CSNK2A2: variants seen among roughly 807,000 people sequenced by gnomAD.
CSNK2A2 encodes the protein casein kinase II subunit alpha'.
A neutral mutation model predicts 54.0 loss-of-function variants in CSNK2A2; 8 were observed. That is an observed-to-expected ratio of 0.15 (90% CI 0.09 to 0.27). CSNK2A2 has a LOEUF of 0.27. CSNK2A2 is among the 10% of genes least tolerant of loss of function. The pLI, the probability that CSNK2A2 is intolerant of heterozygous loss-of-function variation, is 1.00. For missense variants in CSNK2A2, 242 were observed against 439.4 expected (o/e 0.55, Z 4.02); for synonymous variants, 141 against 153.9 (o/e 0.92, Z 0.62).
intron 3 of CSNK2A2, among the ~76,000 whole-genome samples, chr16:58,185,078 A>C (rs1962154829): frequency 6.6e-6 from 1 of 152,206 alleles, no homozygotes; most frequent in Non-Finnish European, 1.5e-5. Flanking sequence ...GGATTCCTTA[A>C]TTGAAGTAAA....
intron 5 of CSNK2A2, among the ~76,000 whole-genome samples, chr16:58,171,979 ATTTTTT>A (rs746200172): frequency 0.095 from 6,218 of 65,632 alleles, 422 homozygotes; most frequent in Admixed American, 0.24. Context: ...ATATATATAT[ATTTTTT>A]TTTTTTTTTT....
rs543876982 is a variant in CSNK2A2 at position 58,167,930 on chromosome 16, T to TA, written c.514-136dup. 469 of 675,890 alleles carry TA rather than the reference T, an allele frequency of 6.9e-4. 4 individuals carry two copies. Among genetic ancestry groups the TA allele is most frequent in the South Asian group, 5.4e-3 (311 of 57,430 alleles). The allele number at this position is 675,890 out of a possible 1,614,324, so 41.9% of individuals were successfully genotyped here. On this transcript the variant is annotated intron_variant, in intron 6 of 11. Coordinates refer to ENST00000262506, the MANE Select transcript of CSNK2A2 (RefSeq NM_001896.4). ...TGAGCAGGTGCACTGGCTTAAAAAT[T>TA]ACATTTTCAGCAATCGTGCAAGAGG...
chr16:58,163,102 A>G (rs1234807144), intron 11 of CSNK2A2: 1 of 151,894 alleles, frequency 6.6e-6, no homozygotes, highest in African/African-American at 2.4e-5. Flanking sequence ...TTCTAATGGG[A>G]TGTTTTCCTC....
intron 2 of CSNK2A2, among the ~76,000 whole-genome samples, chr16:58,193,901 A>C (rs2142453288): frequency 6.6e-6 from 1 of 152,316 alleles, no homozygotes; most frequent in Middle Eastern, 3.4e-3. Flanking sequence ...ACAGAATACC[A>C]CTTGGGGATA....
At chr16:58,179,850 C>T (rs1053405065) in intron 4 of CSNK2A2, among the ~76,000 whole-genome samples, 5 of 151,976 alleles carry the variant, frequency 3.3e-5, no homozygotes, top group Non-Finnish European at 7.4e-5. Context: ...GAGGCCAAGG[C>T]GGGTGGGTCA....
rs1597122741 is a variant in CSNK2A2 at position 58,186,771 on chromosome 16, G to A, written c.302C>T (p.Thr101Ile). Reference protein sequence around the residue: ...GGTNIIKLIDTVKDPVSKTPA... With the variant: ...GGTNIIKLIDIVKDPVSKTPA... Reference sequence around the variant, plus strand: ...GGCACCTACCACGGGGTCCTTTACAGTGTCAATCAGCTTAATGATATTTGT... The same window carrying A: ...GGCACCTACCACGGGGTCCTTTACAATGTCAATCAGCTTAATGATATTTGT... Residue 101 changes from threonine (T) to isoleucine (I), a missense_variant, in exon 3 of 12, where the codon ACT becomes ATT. Transcript: ENST00000262506. 6.2e-7 allele frequency: 1 copy of A among 1,613,940 alleles called. No individual in the cohort carries two copies.
chr16:58,175,821 C>A (rs1961861682), intron 4 of CSNK2A2, among the ~76,000 whole-genome samples: 1 of 152,150 alleles, frequency 6.6e-6, no homozygotes, highest in Admixed American at 6.5e-5. Flanking sequence ...ATTTCATCAA[C>A]CTCAGGGCAG....
intron 4 of CSNK2A2, 76 bp from the exon 5 acceptor site, chr16:58,174,586 T>G: frequency 1.7e-6 from 2 of 1,177,142 alleles, no homozygotes; most frequent in African/African-American, 1.5e-5. Flanking sequence ...GGCCATTCTC[T>G]AAGCTTATTT....
chr16:58,172,057 A>G (rs192219250), intron 5 of CSNK2A2, among the ~76,000 whole-genome samples: 3 of 146,530 alleles, frequency 2.0e-5, no homozygotes, highest in African/African-American at 7.6e-5. Context: ...CCTGAGCTCA[A>G]GCAATCAACC....
chr16:58,159,568 T>C (rs1489910982), intron 11 of CSNK2A2: 1 of 152,248 alleles, frequency 6.6e-6, no homozygotes, highest in Non-Finnish European at 1.5e-5. Flanking sequence ...TGTCTCCCAC[T>C]TGGGAAGGCT....
chr16:58,167,939 A>G (rs1961613326), intron 6 of CSNK2A2, 144 bp from the exon 7 acceptor site: 4 of 656,196 alleles, frequency 6.1e-6, no homozygotes, highest in Admixed American at 2.6e-5. Context: ...TTACATTTTC[A>G]GCAATCGTGC....
intron 5 of CSNK2A2, among the ~76,000 whole-genome samples, chr16:58,172,763 T>C (rs1490706680): frequency 1.3e-5 from 2 of 152,248 alleles, no homozygotes; most frequent in African/African-American, 4.8e-5. Flanking sequence ...TTCTGACCAT[T>C]AAGCATGAAT....
At chr16:58,161,472 A>T (rs1961355740) in intron 11 of CSNK2A2, 1 of 152,150 alleles carries the variant, frequency 6.6e-6, no homozygotes, top group South Asian at 2.1e-4. Context: ...GCTAACTGAA[A>T]AGGATACTGG....
chr16:58,180,071 T>A (rs1597118414), intron 4 of CSNK2A2, among the ~76,000 whole-genome samples: 2 of 122,822 alleles, frequency 1.6e-5, no homozygotes, highest in African/African-American at 3.2e-5. Flanking sequence ...AGAGCGAGAC[T>A]CCTTCTCAAA....
At chr16:58,161,784 T>G (rs1341911081) in intron 11 of CSNK2A2, 1 of 152,078 alleles carries the variant, frequency 6.6e-6, no homozygotes, top group African/African-American at 2.4e-5. Flanking sequence ...TCAAGCCCAG[T>G]TATGGTCTAA....
At chr16:58,196,281 GAA>G (rs1199593792) in intron 2 of CSNK2A2, among the ~76,000 whole-genome samples, 1 of 152,198 alleles carries the variant, frequency 6.6e-6, no homozygotes, top group Non-Finnish European at 1.5e-5. Context: ...AAATGGGGTG[GAA>G]AAAGAAGTAA....
Position 58,193,308 on chromosome 16 carries a change from T to C in CSNK2A2, c.216+3425A>G, listed in dbSNP as rs1962360132. On this transcript the variant is annotated intron_variant, in intron 2 of 11. Transcript: ENST00000262506. The stretch of plus-strand genomic sequence containing the variant: ...AACAAAGATGTATAACCAATGCCCA[T>C]CCTTTTAACACTACCTACTGACAAC... Among the ~76,000 whole-genome samples, 6 of 152,172 alleles carry C rather than the reference T, an allele frequency of 3.9e-5. No homozygotes were observed. The South Asian group carries it at 1.2e-3, about 31-fold the overall frequency.
At chr16:58,171,513 A>G (rs1168331238) in intron 5 of CSNK2A2, among the ~76,000 whole-genome samples, 1 of 151,986 alleles carries the variant, frequency 6.6e-6, no homozygotes, top group Non-Finnish European at 1.5e-5. Context: ...ACAGATAAAA[A>G]AAGAAAGAAT....
chr16:58,184,267 T>C lies in CSNK2A2; in HGVS notation c.362A>G (p.Asp121Gly). Residue 121 changes from aspartate to glycine, a missense_variant, in exon 4 of 12, where the codon GAT (aspartate) becomes GGT (glycine). Asp to Gly is a moderately conservative substitution (Grantham distance 94, BLOSUM62 -1). Transcript: ENST00000262506. ...AAAGAAAAGCATACGCACCTTAAAA[T>C]CTGTATTATTGATATATTCAAATAC... ...ALVFEYINNT[D>G]FKQLYQILTD... 6.2e-7 allele frequency: 1 copy of C among 1,602,532 alleles called. No individual in the cohort carries two copies. Among genetic ancestry groups the C allele is most frequent in the Non-Finnish European group, 8.5e-7 (1 of 1,172,536 alleles).
Sources: allele counts gnomAD v4.1 joint callset (sites outside exome capture counted in the v4.1 genomes callset), GRCh38; gene constraint gnomAD v4.1.1; transcripts MANE v1.5; gene names NCBI Gene and HGNC (gene_info 2026-07-23, HGNC 2026-07-21).